The following WBP2NL variants were observed in gnomAD, a reference collection of about 807,000 sequenced individuals.
The protein encoded by WBP2NL is postacrosomal sheath WW domain-binding protein.
In WBP2NL, 27 loss-of-function variants were observed where a neutral mutation model predicts 23.3. That is an observed-to-expected ratio of 1.16 (90% CI 0.85 to 1.60). WBP2NL has a LOEUF of 1.60. Ranked by LOEUF, WBP2NL falls within the 40% of genes most tolerant of loss-of-function variation. The pLI is 0.00. For synonymous variants in WBP2NL, 151 were observed against 145.9 expected (o/e 1.03, Z -0.25); for missense variants, 370 against 389.5 (o/e 0.95, Z 0.42).
At chr22:42,008,686 C>T (rs1243138266) in intron 1 of WBP2NL, among the ~76,000 whole-genome samples, 1 of 152,184 alleles carries the variant, frequency 6.6e-6, no homozygotes, top group East Asian at 1.9e-4. Flanking sequence ...CAGCTCACTG[C>T]AACCTCTGCC....
At chr22:42,022,664 C>A (rs1050399709) in intron 5 of WBP2NL, among the ~76,000 whole-genome samples, 1 of 152,232 alleles carries the variant, frequency 6.6e-6, no homozygotes, top group Admixed American at 6.5e-5. Context: ...TTGCCCACTT[C>A]CTTGTTTCCA....
At chr22:42,039,525 GT>G (rs1257131540) in intron 8 of WBP2NL, among the ~76,000 whole-genome samples, 1 of 152,028 alleles carries the variant, frequency 6.6e-6, no homozygotes, top group East Asian at 1.9e-4. Flanking sequence ...TCAACTCCTT[GT>G]TTGTTATTGG....
At chr22:42,036,267 T>G (rs1237792314), downstream of WBP2NL, among the ~76,000 whole-genome samples, 2 of 152,144 alleles carry the variant, frequency 1.3e-5, no homozygotes, top group Non-Finnish European at 2.9e-5. Flanking sequence ...CTCTGCCTCC[T>G]GGGTTCACAC....
intron 8 of WBP2NL, among the ~76,000 whole-genome samples, chr22:42,048,097 A>G (rs1371098041): frequency 6.6e-6 from 1 of 152,126 alleles, no homozygotes; most frequent in Non-Finnish European, 1.5e-5. Context: ...AACATTTGAA[A>G]TTAATATAAT....
intron 1 of WBP2NL, chr22:42,003,483 C>T (rs1921906339): frequency 6.6e-6 from 1 of 152,078 alleles, no homozygotes; most frequent in African/African-American, 2.4e-5. Flanking sequence ...GTAATTTATT[C>T]TGTCAGAGCA....
chr22:42,001,099 G>T, intron 1 of WBP2NL: 1 of 1,048,786 alleles, frequency 9.5e-7, no homozygotes, highest in Non-Finnish European at 1.5e-6. Flanking sequence ...CATCATACAA[G>T]ACAAGCACAA....
chr22:42,051,188 C>G lies in WBP2NL; in HGVS notation c.*274-7102C>G, dbSNP rs112806224. 1.8e-3 allele frequency among the ~76,000 whole-genome samples: 281 copies of G among 152,186 alleles called. 1 individual carries two copies. Among genetic ancestry groups the G allele is most frequent in the Middle Eastern group, 6.8e-3 (2 of 294 alleles). On this transcript the variant is annotated intron_variant and NMD_transcript_variant, in intron 8 of 8. Coordinates refer to the WBP2NL transcript ENST00000436265. ...CTTAAAAAGTAATGTACTATCAAAC[C>G]ATGAAAAGATATGGAGGAACCCTAG...
intron 4 of WBP2NL, among the ~76,000 whole-genome samples, chr22:42,021,789 C>CT (rs11413615): frequency 0.32 from 42,393 of 132,646 alleles, 7,695 homozygotes; most frequent in African/African-American, 0.44. Flanking sequence ...TTCTTTCTTT[C>CT]TTTTTTTTTT....
intron 8 of WBP2NL, among the ~76,000 whole-genome samples, chr22:42,040,173 A>G (rs1375695976): frequency 6.6e-6 from 1 of 150,638 alleles, no homozygotes; most frequent in African/African-American, 2.4e-5. Flanking sequence ...TTGGCCTCCC[A>G]CCATGCCTTG....
intron 8 of WBP2NL, among the ~76,000 whole-genome samples, chr22:42,039,748 A>G (rs1481716757): frequency 6.6e-6 from 1 of 151,914 alleles, no homozygotes; most frequent in African/African-American, 2.4e-5. Context: ...TAATCTAGCT[A>G]AAGGCTTGAT....
In WBP2NL at chr22:42,027,062, G is replaced by A; in HGVS notation, c.811G>A (p.Ala271Thr). 2.5e-6 allele frequency: 4 copies of A among 1,614,198 alleles called. No individual in the cohort carries two copies. Among genetic ancestry groups the A allele is most frequent in the Non-Finnish European group, 3.4e-6 (4 of 1,180,016 alleles). Residue 271 changes from alanine to threonine, a missense_variant, in exon 6 of 6, where the codon GCG (alanine) becomes ACG (threonine). Transcript: ENST00000328823. ...APPAGNEGPPAGYRASPAGSG... is the reference protein window; with the variant it reads ...APPAGNEGPPTGYRASPAGSG... ...ACCTGCAGGAAATGAAGGCCCGCCT[G>A]CGGGATACAGAGCCTCACCTGCTGG...
intron 1 of WBP2NL, among the ~76,000 whole-genome samples, chr22:42,018,805 G>A (rs1488909189): frequency 1.3e-5 from 2 of 151,578 alleles, no homozygotes; most frequent in Non-Finnish European, 2.9e-5. Context: ...AAGAATAAGA[G>A]TAAATTGTCA....
intron 1 of WBP2NL, among the ~76,000 whole-genome samples, chr22:42,004,349 T>A (rs1230296850): frequency 1.3e-5 from 2 of 152,144 alleles, no homozygotes; most frequent in African/African-American, 4.8e-5. Context: ...ATCCCAGAAC[T>A]TTGGGAGGCT....
Position 42,022,304 on chromosome 22 carries a change from T to G in WBP2NL, c.462T>G (p.Ile154Met). ...ATGACTGGTTCAGCTCTATGGGAAT[T>G]TATGTAATTACTGGGGAAGGGAATA... ...TLNDWFSSMG[I>M]YVITGEGNMC... The change falls in exon 5 of 6, where the codon ATT (isoleucine) becomes ATG (methionine). Residue 154 changes from isoleucine (I) to methionine (M), a missense_variant. Physicochemically the swap from Ile to Met is conservative, Grantham distance 10. Transcript: ENST00000328823. The G allele has an allele frequency of 6.2e-7, 1 of 1,614,122 alleles. No homozygotes were observed. Among genetic ancestry groups the G allele is most frequent in the Non-Finnish European group, 8.5e-7 (1 of 1,180,012 alleles).
downstream of WBP2NL, among the ~76,000 whole-genome samples, chr22:42,037,317 A>G (rs1276839814): frequency 6.6e-6 from 1 of 152,066 alleles, no homozygotes; most frequent in Non-Finnish European, 1.5e-5. Context: ...GTCTGTTTTT[A>G]TGCCAGCACC....
chr22:42,054,900 A>C (rs1243211908), intron 8 of WBP2NL, among the ~76,000 whole-genome samples: 1 of 152,118 alleles, frequency 6.6e-6, no homozygotes, highest in Non-Finnish European at 1.5e-5. Flanking sequence ...AAAAAGAAAA[A>C]AAATCAATTA....
Position 42,001,147 on chromosome 22 carries a change from A to G in WBP2NL, c.62+2267A>G. 3.3e-6 allele frequency: 3 copies of G among 921,582 alleles called. No homozygotes were observed. The Admixed American group carries it at 5.2e-5, about 16-fold the overall frequency. 57.1% of individuals were successfully genotyped at this position (921,582 alleles called of 1,614,324 possible). On this transcript the variant is annotated intron_variant, in intron 1 of 5. Transcript: ENST00000328823. ...TGCCTCTGAGAACACTGGACCATGC[A>G]CCCTTGAAAACAGCTTTGCTTCCTT...
chr22:42,014,788 C>G (rs1171324908), intron 1 of WBP2NL, among the ~76,000 whole-genome samples: 1 of 152,214 alleles, frequency 6.6e-6, no homozygotes, highest in Non-Finnish European at 1.5e-5. Context: ...GTCTTCAACT[C>G]TAGAATTTCT....
chr22:42,047,812 G>C (rs977477788), intron 8 of WBP2NL, among the ~76,000 whole-genome samples: 8 of 151,122 alleles, frequency 5.3e-5, no homozygotes, highest in African/African-American at 1.9e-4. Context: ...TAGAAGAGAC[G>C]GGGTTTCACC....
Sources: allele counts gnomAD v4.1 joint callset (sites outside exome capture counted in the v4.1 genomes callset), GRCh38; gene constraint gnomAD v4.1.1; transcripts MANE v1.5; gene names NCBI Gene and HGNC (gene_info 2026-07-23, HGNC 2026-07-21).